The following SPRED1 variants were observed in gnomAD, a reference collection of about 807,000 sequenced individuals.
SPRED1 encodes the protein sprouty-related, EVH1 domain-containing protein 1.
A neutral mutation model predicts 52.3 loss-of-function variants in SPRED1; 18 were observed. The observed-to-expected ratio is 0.34, with a 90% CI of 0.24 to 0.51. SPRED1 has a LOEUF of 0.51. Ranked by LOEUF, SPRED1 falls within the 20% of genes least tolerant of loss-of-function variation. The pLI, the probability that SPRED1 is intolerant of heterozygous loss-of-function variation, is 0.97. For missense variants in SPRED1, 485 were observed against 551.0 expected, an observed-to-expected ratio of 0.88 and a Z score of 1.20; for synonymous variants, 155 against 179.7, an observed-to-expected ratio of 0.86 and a Z score of 1.10.
intron 1 of SPRED1, among the ~76,000 whole-genome samples, chr15:38,266,272 G>A (rs1894303906): frequency 6.6e-6 from 1 of 152,148 alleles, no homozygotes; most frequent in African/African-American, 2.4e-5. Context: ...TTCTCTTGAT[G>A]AAGGTTATTG....
chr15:38,355,929 A>T lies in SPRED1; in HGVS notation c.*4265A>T, dbSNP rs1888608802. On this transcript the variant is annotated 3_prime_UTR_variant, in exon 7 of 7. Transcript: ENST00000299084. ...GGAGGTGATTTATATAAACCAAAAG[A>T]AAAAAAAAGGCTTTAAGGTATTAGG... 1 of 151,438 alleles carries T rather than the reference A, an allele frequency of 6.6e-6. No individual in the cohort carries two copies. Among genetic ancestry groups the T allele is most frequent in the Non-Finnish European group, 1.5e-5 (1 of 67,802 alleles). The allele number at this position is 151,438 out of a possible 1,614,324, so 9.4% of individuals were successfully genotyped here.
At chr15:38,302,183 TC>T (rs1895160540) in intron 2 of SPRED1, among the ~76,000 whole-genome samples, 1 of 152,136 alleles carries the variant, frequency 6.6e-6, no homozygotes, top group African/African-American at 2.4e-5. Flanking sequence ...ATATGACCAC[TC>T]GTGTGGCTAA....
At chr15:38,347,427 G>C (rs58323215) in intron 5 of SPRED1, among the ~76,000 whole-genome samples, 5,984 of 140,484 alleles carry the variant, frequency 0.043, 418 homozygotes, top group African/African-American at 0.15. Flanking sequence ...AATATTTGTA[G>C]AGAAAGTGCC....
chr15:38,316,762 T>G (rs1284190638), intron 2 of SPRED1, among the ~76,000 whole-genome samples: 7 of 146,384 alleles, frequency 4.8e-5, no homozygotes, highest in Middle Eastern at 3.3e-3. Context: ...TTTTTTTTTT[T>G]TTTTTTTTTT....
intron 2 of SPRED1, among the ~76,000 whole-genome samples, chr15:38,306,302 A>T (rs1249248956): frequency 6.6e-6 from 1 of 152,172 alleles, no homozygotes; most frequent in Non-Finnish European, 1.5e-5. Context: ...CACTATATAG[A>T]TAGCATATTG....
intron 4 of SPRED1, among the ~76,000 whole-genome samples, chr15:38,335,121 G>T (rs1019175993): frequency 6.6e-6 from 1 of 151,776 alleles, no homozygotes; most frequent in Non-Finnish European, 1.5e-5. Context: ...ATAAAATTGG[G>T]CTTTATCTTG....
intron 4 of SPRED1, 50 bp from the exon 5 acceptor site, chr15:38,339,687 G>A (rs772419924): frequency 2.4e-5 from 38 of 1,568,970 alleles, no homozygotes; most frequent in Non-Finnish European, 2.7e-5. Context: ...TTTTGTGGTG[G>A]TGGTGGTTTT....
In SPRED1 at chr15:38,355,676, A is replaced by C. The variant is rs1888602942; in HGVS notation, c.*4012A>C. ...ATTAAGCAAGTGTAACATTTTTTCC[A>C]CATAAAACTTAGAAAACTTTAGTTA... On this transcript the variant is annotated 3_prime_UTR_variant, in exon 7 of 7. Transcript: ENST00000299084. 6.6e-6 allele frequency: 1 copy of C among 152,222 alleles called. No individual in the cohort carries two copies. The highest frequency in any genetic ancestry group is 2.1e-4 in the South Asian group (1 of 4,836). 9.4% of individuals were successfully genotyped at this position (152,222 alleles called of 1,614,324 possible). A position where few individuals can be genotyped will look rare whatever the true frequency, so the allele number is the denominator to read the frequency against.
At chr15:38,338,854 T>A (rs1029711113) in intron 4 of SPRED1, among the ~76,000 whole-genome samples, 1 of 152,110 alleles carries the variant, frequency 6.6e-6, no homozygotes, top group Non-Finnish European at 1.5e-5. Context: ...TATTTGTTAA[T>A]TTTAGAAGTA....
intron 4 of SPRED1, among the ~76,000 whole-genome samples, chr15:38,330,969 G>GT (rs757325557): frequency 1.6e-3 from 247 of 151,960 alleles, no homozygotes; most frequent in Middle Eastern, 3.4e-3. Context: ...ATCTTTTTTT[G>GT]TTTTTTCTGC....
At chr15:38,330,824 CTG>C (rs1473525231) in intron 4 of SPRED1, among the ~76,000 whole-genome samples, 1 of 152,096 alleles carries the variant, frequency 6.6e-6, no homozygotes, top group Non-Finnish European at 1.5e-5. Context: ...AGTATGTCGA[CTG>C]TGATATCCCT....
At chr15:38,318,322 ACT>A (rs1022132893) in intron 2 of SPRED1, among the ~76,000 whole-genome samples, 1 of 152,102 alleles carries the variant, frequency 6.6e-6, no homozygotes, top group African/African-American at 2.4e-5. Flanking sequence ...TGATATTTAA[ACT>A]CAGTATTTTC....
At chr15:38,339,508 TAAG>T (rs1895987861) in intron 4 of SPRED1, among the ~76,000 whole-genome samples, 1 of 152,218 alleles carries the variant, frequency 6.6e-6, no homozygotes. Flanking sequence ...TTATTTTTAA[TAAG>T]CCCATTTTTC....
intron 2 of SPRED1, among the ~76,000 whole-genome samples, chr15:38,311,136 A>T (rs544549466): frequency 1.3e-5 from 2 of 152,124 alleles, no homozygotes; most frequent in Non-Finnish European, 2.9e-5. Flanking sequence ...TAACTTGCTG[A>T]TAATTTGTAT....
At chr15:38,295,701 T>C (rs1038227906) in intron 1 of SPRED1, among the ~76,000 whole-genome samples, 3 of 152,168 alleles carry the variant, frequency 2.0e-5, no homozygotes, top group African/African-American at 7.2e-5. Flanking sequence ...AGGGGATAGA[T>C]AGAATTTTAA....
In SPRED1 at chr15:38,322,894, A is replaced by T. The variant is rs191918729; in HGVS notation, c.376+485A>T. Among the ~76,000 whole-genome samples the T allele has an allele frequency of 6.6e-5, 10 of 152,262 alleles. No homozygotes were observed. The East Asian group carries it at 1.7e-3, about 26-fold the overall frequency. On this transcript the variant is annotated intron_variant, in intron 3 of 6. Transcript: ENST00000299084. ...GAGGATTGGCAGAGACCACAAGCTC[A>T]TCTATTCCTTTGTTATCTTGCCAGT...
intron 4 of SPRED1, among the ~76,000 whole-genome samples, chr15:38,326,808 G>T (rs2037522): frequency 0.091 from 13,867 of 152,100 alleles, 767 homozygotes; most frequent in East Asian, 0.21. Flanking sequence ...TGCAAATTTG[G>T]CCTACCTTTC....
In SPRED1 at chr15:38,253,022, C is replaced by CT; in HGVS notation, c.-163dup. On this transcript the variant is annotated 5_prime_UTR_variant, in exon 1 of 7. Coordinates refer to ENST00000299084, the MANE Select transcript of SPRED1 (RefSeq NM_152594.3). Reference sequence around the variant, plus strand: ...CTGCGGGGGTGGCCGGGGTTCCCGGCTGGGGGGGTACCGTTCTGGGTGAGG... The same window carrying CT: ...CTGCGGGGGTGGCCGGGGTTCCCGGCTTGGGGGGGTACCGTTCTGGGTGAGG... 1.5e-6 allele frequency: 1 copy of CT among 670,712 alleles called. No homozygotes were observed. Among genetic ancestry groups the CT allele is most frequent in the Non-Finnish European group, 2.7e-6 (1 of 375,538 alleles). 41.5% of individuals were successfully genotyped at this position (670,712 alleles called of 1,614,324 possible). A position where few individuals can be genotyped will look rare whatever the true frequency, so the allele number is the denominator to read the frequency against.
At chr15:38,257,826 A>G (rs1270010081) in intron 1 of SPRED1, among the ~76,000 whole-genome samples, 2 of 152,220 alleles carry the variant, frequency 1.3e-5, no homozygotes, top group African/African-American at 2.4e-5. Context: ...GAAAGGGTAA[A>G]CAGCAGCAGA....
Sources: allele counts gnomAD v4.1 joint callset (sites outside exome capture counted in the v4.1 genomes callset), GRCh38; gene constraint gnomAD v4.1.1; transcripts MANE v1.5; gene names NCBI Gene and HGNC (gene_info 2026-07-23, HGNC 2026-07-21).